The following ZDHHC15 variants were observed in gnomAD, a reference collection of about 807,000 sequenced individuals.
The protein encoded by ZDHHC15 is zDHHC palmitoyltransferase 15.
In ZDHHC15, 19 loss-of-function variants were observed where a neutral mutation model predicts 31.7. The observed-to-expected ratio is 0.60, with a 90% CI of 0.42 to 0.88. The LOEUF (loss-of-function observed/expected upper bound fraction) is 0.88. ZDHHC15 is among the 40% of genes least tolerant of loss of function. The pLI is 0.00. For synonymous variants in ZDHHC15, 103 were observed against 90.0 expected, an observed-to-expected ratio of 1.14 and a Z score of -0.82; for missense variants, 209 against 251.2, an observed-to-expected ratio of 0.83 and a Z score of 1.14.
At chrX:75,399,437 C>T (rs2083332365) in intron 10 of ZDHHC15, among the ~76,000 whole-genome samples, 2 of 112,194 alleles carry the variant, frequency 1.8e-5, no homozygotes, top group African/African-American at 3.2e-5. Context: ...AGGTCCTAAA[C>T]ACCACCCATG....
At chrX:75,459,110 T>C (rs2084272679) in intron 3 of ZDHHC15, among the ~76,000 whole-genome samples, 2 of 107,465 alleles carry the variant, frequency 1.9e-5, no homozygotes, top group South Asian at 8.6e-4. Context: ...AAGGAGATCC[T>C]CTGGTGATCC....
intron 10 of ZDHHC15, among the ~76,000 whole-genome samples, chrX:75,410,657 A>G (rs1344477734): frequency 8.9e-6 from 1 of 112,132 alleles, no homozygotes; most frequent in Non-Finnish European, 1.9e-5. Flanking sequence ...TAGTACAGTC[A>G]CTATGGAAAA....
chrX:75,384,757 G>C, intron 10 of ZDHHC15: 1 of 973,051 alleles, frequency 1.0e-6, no homozygotes, highest in South Asian at 1.9e-5. Context: ...ACCCAGAGAA[G>C]CACACTTTGT....
chrX:75,492,600 T>A (rs1463811788), intron 2 of ZDHHC15, among the ~76,000 whole-genome samples: 1 of 111,579 alleles, frequency 9.0e-6, no homozygotes, highest in African/African-American at 3.3e-5. Context: ...CACAGTGCAA[T>A]CAAACTAGAA....
intron 10 of ZDHHC15, among the ~76,000 whole-genome samples, chrX:75,393,125 A>G (rs1356780615): frequency 9.0e-6 from 1 of 111,273 alleles, no homozygotes; most frequent in Non-Finnish European, 1.9e-5. Context: ...ATTGTGCAGT[A>G]GTAGACTGAT....
intron 2 of ZDHHC15, among the ~76,000 whole-genome samples, chrX:75,504,961 A>G (rs968212721): frequency 9.0e-6 from 1 of 111,153 alleles, no homozygotes; most frequent in Non-Finnish European, 1.9e-5. Flanking sequence ...TTTTTATTCT[A>G]TACATGAATA....
intron 4 of ZDHHC15, among the ~76,000 whole-genome samples, chrX:75,437,261 CTT>C (rs966191679): frequency 5.0e-4 from 25 of 49,936 alleles, no homozygotes; most frequent in Admixed American, 1.1e-3. Context: ...TGTTGACTTT[CTT>C]TTTTTTGTTT....
intron 5 of ZDHHC15, among the ~76,000 whole-genome samples, chrX:75,430,700 C>T (rs753259562): frequency 1.5e-4 from 17 of 111,545 alleles, no homozygotes; most frequent in Non-Finnish European, 2.8e-4. Context: ...AACAATTTTA[C>T]AGTGGTGAAA....
In ZDHHC15 at chrX:75,401,755, A is replaced by AT. The variant is rs200571632; in HGVS notation, c.967+15331dup. Among the ~76,000 whole-genome samples, 490 of 112,207 alleles carry AT rather than the reference A, an allele frequency of 4.4e-3. 2 individuals carry two copies. Among genetic ancestry groups the AT allele is most frequent in the African/African-American group, 0.015 (471 of 30,879 alleles). ...AGATTCATAAAGCAAGTTCTTAGAGATGTACAAAGAGACAGAGTCCCACAC... is the reference window on the plus strand; with the variant it reads ...AGATTCATAAAGCAAGTTCTTAGAGATTGTACAAAGAGACAGAGTCCCACAC... On this transcript the variant is annotated intron_variant, in intron 10 of 11. Coordinates refer to ENST00000373367, the MANE Select transcript of ZDHHC15 (RefSeq NM_144969.3).
rs2082986571 is a variant in ZDHHC15 at position 75,369,416 on chromosome X, A to T, written c.*3562T>A. 1 of 111,061 alleles carries T rather than the reference A, an allele frequency of 9.0e-6. No homozygotes were observed. The highest frequency in any genetic ancestry group is 1.9e-5 in the Non-Finnish European group (1 of 53,013). The allele number at this position is 111,061 out of a possible 1,213,427, so 9.2% of individuals were successfully genotyped here. A position where few individuals can be genotyped will look rare whatever the true frequency, so the allele number is the denominator to read the frequency against. On this transcript the variant is annotated 3_prime_UTR_variant, in exon 12 of 12. Coordinates refer to ENST00000373367, the MANE Select transcript of ZDHHC15 (RefSeq NM_144969.3). ...AGAATAGGCTTTCAATGACTGTTAC[A>T]TTCCTATGAATTTGGGCCCTGTTAA...
chrX:75,487,294 T>A (rs1395743160), intron 2 of ZDHHC15, among the ~76,000 whole-genome samples: 1 of 112,210 alleles, frequency 8.9e-6, no homozygotes, highest in African/African-American at 3.2e-5. Flanking sequence ...CCCTGCCACC[T>A]CCAGTGGAGC....
chrX:75,421,429 A>AT (rs1328347401), intron 9 of ZDHHC15, among the ~76,000 whole-genome samples: 7 of 65,114 alleles, frequency 1.1e-4, no homozygotes, highest in African/African-American at 3.7e-4. Flanking sequence ...TATAATATAT[A>AT]TATAATATAT....
Position 75,421,881 on chromosome X carries a change from T to G in ZDHHC15, c.846A>C (p.Leu282Phe). 1 of 1,210,022 alleles carries G rather than the reference T, an allele frequency of 8.3e-7. No homozygotes were observed. The highest frequency in any genetic ancestry group is 3.0e-5 in the East Asian group (1 of 33,765). ...QVFGDKKKFW[L>F]IPIGSSPGDG... ...TTACTCACCTGGAACCAATAGGTATTAACCAGAACTTCTTCTTATCTCCAA... is the reference window on the plus strand; with the variant it reads ...TTACTCACCTGGAACCAATAGGTATGAACCAGAACTTCTTCTTATCTCCAA... Residue 282 changes from leucine to phenylalanine, a missense_variant, in exon 9 of 12, where the codon TTA (leucine) becomes TTC (phenylalanine). By Grantham distance (22) the Leu-to-Phe change is conservative (BLOSUM62 0). Transcript: ENST00000373367.
intron 10 of ZDHHC15, among the ~76,000 whole-genome samples, chrX:75,411,414 C>A (rs937783173): frequency 1.6e-4 from 18 of 111,737 alleles, no homozygotes; most frequent in African/African-American, 5.5e-4. Context: ...GGGTTTCACC[C>A]TGTTAACCAG....
At chrX:75,478,272 A>C (rs903266044) in intron 3 of ZDHHC15, among the ~76,000 whole-genome samples, 2 of 112,302 alleles carry the variant, frequency 1.8e-5, no homozygotes. Flanking sequence ...AAATAAATAA[A>C]ATAATCACTG....
chrX:75,371,659 C>G lies in ZDHHC15; in HGVS notation c.*1319G>C, dbSNP rs982322220. ...ATTCCTTGATACCTGTAAGATGCTT[C>G]TAAATTCCACTGATCTCTAAAAGAG... On this transcript the variant is annotated 3_prime_UTR_variant, in exon 12 of 12. Transcript: ENST00000373367. The G allele has an allele frequency of 9.0e-5, 10 of 111,607 alleles. No individual in the cohort carries two copies. Among genetic ancestry groups the G allele is most frequent in the African/African-American group, 3.3e-4 (10 of 30,739 alleles). The allele number at this position is 111,607 out of a possible 1,213,427, so 9.2% of individuals were successfully genotyped here.
chrX:75,508,295 C>A (rs183050744), intron 1 of ZDHHC15, among the ~76,000 whole-genome samples: 5 of 61,606 alleles, frequency 8.1e-5, no homozygotes, highest in African/African-American at 2.7e-4. Flanking sequence ...TCCCTCCCCC[C>A]TCCCCCCACC....
chrX:75,474,903 A>T (rs2147968916), intron 3 of ZDHHC15, among the ~76,000 whole-genome samples: 1 of 109,132 alleles, frequency 9.2e-6, no homozygotes, highest in African/African-American at 3.3e-5. Flanking sequence ...TAAAAAAAAT[A>T]CAAAAAATTA....
intron 3 of ZDHHC15, among the ~76,000 whole-genome samples, chrX:75,454,557 A>G (rs996813885): frequency 1.1e-4 from 12 of 111,540 alleles, no homozygotes; most frequent in South Asian, 3.8e-4. Flanking sequence ...CCAACAGTGT[A>G]AAAGCATTCC....
Sources: allele counts gnomAD v4.1 joint callset (sites outside exome capture counted in the v4.1 genomes callset), GRCh38; gene constraint gnomAD v4.1.1; transcripts MANE v1.5; gene names NCBI Gene and HGNC (gene_info 2026-07-23, HGNC 2026-07-21).